The following GPR39 variants were observed in gnomAD, a reference collection of about 807,000 sequenced individuals.
The protein encoded by GPR39 is G protein-coupled receptor 39.
Under a neutral mutation model 18.4 loss-of-function variants are expected in GPR39, and 23 were observed. The ratio of observed to expected loss-of-function variants is 1.25; its 90% CI spans 0.90 to 1.77. The LOEUF (loss-of-function observed/expected upper bound fraction) is 1.77, where lower values mean the gene tolerates loss of function less well. Among genes scored for constraint, GPR39 ranks in the 40% most tolerant of loss-of-function variants. GPR39 has a pLI of 0.00. For missense variants in GPR39, 647 were observed against 602.4 expected, an observed-to-expected ratio of 1.07 and a Z score of -0.78; for synonymous variants, 280 against 257.9, an observed-to-expected ratio of 1.09 and a Z score of -0.82.
chr2:132,440,582 G>A (rs760923681), intron 1 of GPR39, among the ~76,000 whole-genome samples: 3 of 152,212 alleles, frequency 2.0e-5, no homozygotes, highest in Non-Finnish European at 2.9e-5. Flanking sequence ...ATACCAACGC[G>A]GTGCTTGGAT....
intron 1 of GPR39, among the ~76,000 whole-genome samples, chr2:132,553,068 G>A (rs1680077706): frequency 6.6e-6 from 1 of 151,404 alleles, no homozygotes; most frequent in Non-Finnish European, 1.5e-5. Context: ...TTGGATTACA[G>A]GTGTGCACCA....
intron 1 of GPR39, among the ~76,000 whole-genome samples, chr2:132,546,655 T>C (rs3109134): frequency 0.42 from 62,743 of 151,034 alleles, 14,536 homozygotes; most frequent in African/African-American, 0.63. Context: ...TTTCTGATTA[T>C]GCCACATTCT....
chr2:132,486,748 A>G (rs1573625629), intron 1 of GPR39, among the ~76,000 whole-genome samples: 1 of 152,152 alleles, frequency 6.6e-6, no homozygotes, highest in African/African-American at 2.4e-5. Flanking sequence ...GGCTGGTTTG[A>G]TCTTCTATCA....
At chr2:132,581,123 A>G (rs982494831) in intron 1 of GPR39, among the ~76,000 whole-genome samples, 1 of 150,944 alleles carries the variant, frequency 6.6e-6, no homozygotes, top group African/African-American at 2.4e-5. Context: ...AAAACCTGTG[A>G]GGCAAAGCAG....
chr2:132,583,933 G>A (rs529650864), intron 1 of GPR39, among the ~76,000 whole-genome samples: 3 of 152,024 alleles, frequency 2.0e-5, no homozygotes, highest in Admixed American at 2.0e-4. Flanking sequence ...GGTCCCTTTG[G>A]GACCTTGCCT....
chr2:132,602,675 C>T (rs965416533), intron 1 of GPR39, among the ~76,000 whole-genome samples: 2 of 151,260 alleles, frequency 1.3e-5, no homozygotes, highest in East Asian at 3.9e-4. Flanking sequence ...ACAAAGAATT[C>T]AAATAACTCA....
intron 1 of GPR39, among the ~76,000 whole-genome samples, chr2:132,430,319 A>G (rs1033028943): frequency 3.9e-5 from 6 of 152,190 alleles, no homozygotes; most frequent in African/African-American, 1.4e-4. Context: ...AGGTGACTCC[A>G]ATGTGTAGCC....
chr2:132,446,004 T>C (rs1459040709), intron 1 of GPR39, among the ~76,000 whole-genome samples: 1 of 151,902 alleles, frequency 6.6e-6, no homozygotes, highest in Admixed American at 6.6e-5. Flanking sequence ...AGCGGGGGTG[T>C]GTTTTGAGGA....
At position 132,645,029 on chromosome 2, in the gene GPR39, T is replaced by G. The variant is rs912310246; in HGVS notation, c.857-72T>G. On this transcript the variant is annotated intron_variant, in intron 1 of 1. Transcript: ENST00000329321. ...CAGAGGGGCTAAATATTTTATGGTT[T>G]TATTCATTTACTGTGTTCTCATGCT... The G allele has an allele frequency of 5.0e-5, 75 of 1,503,120 alleles. No homozygotes were observed. The East Asian group carries it at 8.2e-4, about 16-fold the overall frequency. 93.1% of individuals were successfully genotyped at this position (1,503,120 alleles called of 1,614,324 possible). A position where few individuals can be genotyped will look rare whatever the true frequency, so the allele number is the denominator to read the frequency against.
At chr2:132,586,389 T>A (rs1026567124) in intron 1 of GPR39, among the ~76,000 whole-genome samples, 8 of 152,114 alleles carry the variant, frequency 5.3e-5, no homozygotes, top group African/African-American at 1.9e-4. Flanking sequence ...GCTTCTGAGT[T>A]TGGAAAGGCA....
chr2:132,452,756 C>T (rs1048457329), intron 1 of GPR39, among the ~76,000 whole-genome samples: 7 of 151,848 alleles, frequency 4.6e-5, no homozygotes, highest in Admixed American at 3.3e-4. Flanking sequence ...TGATAGTTAG[C>T]GGAGAATGAC....
intron 1 of GPR39, among the ~76,000 whole-genome samples, chr2:132,575,540 G>A (rs1175029163): frequency 6.6e-6 from 1 of 152,162 alleles, no homozygotes; most frequent in Non-Finnish European, 1.5e-5. Context: ...GTTTTCCAGA[G>A]TGGTTGTACC....
intron 1 of GPR39, among the ~76,000 whole-genome samples, chr2:132,453,749 A>G (rs1558802841): frequency 6.6e-6 from 1 of 152,070 alleles, no homozygotes; most frequent in East Asian, 1.9e-4. Flanking sequence ...CCCTTTCCCC[A>G]TTTCTTGTTT....
chr2:132,444,652 G>A (rs1204458817), intron 1 of GPR39, among the ~76,000 whole-genome samples: 1 of 152,140 alleles, frequency 6.6e-6, no homozygotes, highest in African/African-American at 2.4e-5. Context: ...CTGGAGTCTG[G>A]CAGTGTTTGG....
intron 1 of GPR39, among the ~76,000 whole-genome samples, chr2:132,431,978 T>C (rs4318440): frequency 0.82 from 125,494 of 152,134 alleles, 51,807 homozygotes; most frequent in South Asian, 0.89. Context: ...GAATTCACTC[T>C]TTCAACCTTC....
chr2:132,492,687 A>ATT (rs1172591825), intron 1 of GPR39, among the ~76,000 whole-genome samples: 30 of 140,228 alleles, frequency 2.1e-4, no homozygotes, highest in Non-Finnish European at 3.6e-4. Context: ...ATATATATAC[A>ATT]CACCATATAT....
In GPR39 at chr2:132,417,036, C is replaced by T; in HGVS notation, c.-7C>T. 2.5e-6 allele frequency: 4 copies of T among 1,611,584 alleles called. No homozygotes were observed. Among genetic ancestry groups the T allele is most frequent in the Non-Finnish European group, 3.4e-6 (4 of 1,178,100 alleles). ...TCTTTGGACCTGGTAGCCTGGTGCT[C>T]TTTCTCATGGCTTCACCCAGCCTCC... On this transcript the variant is annotated 5_prime_UTR_variant, in exon 1 of 2. Transcript: ENST00000329321.
intron 1 of GPR39, among the ~76,000 whole-genome samples, chr2:132,502,438 C>A (rs1679061994): frequency 6.6e-6 from 1 of 152,146 alleles, no homozygotes; most frequent in South Asian, 2.1e-4. Flanking sequence ...GAGAAATCTG[C>A]TGTTAATCTG....
intron 1 of GPR39, among the ~76,000 whole-genome samples, chr2:132,624,796 G>A (rs183186600): frequency 7.2e-5 from 11 of 152,314 alleles, no homozygotes; most frequent in East Asian, 3.9e-4. Flanking sequence ...ATAGTATGTC[G>A]TTGCGTGAAT....
Sources: allele counts gnomAD v4.1 joint callset (sites outside exome capture counted in the v4.1 genomes callset), GRCh38; gene constraint gnomAD v4.1.1; transcripts MANE v1.5; gene names NCBI Gene and HGNC (gene_info 2026-07-23, HGNC 2026-07-21).